CARMIL1: variants seen among roughly 807,000 people sequenced by gnomAD.
The protein encoded by CARMIL1 is F-actin-uncapping protein LRRC16A.
CARMIL1 carries 90 observed loss-of-function variants against 177.1 expected under a neutral mutation model. The observed-to-expected ratio is 0.51, with a 90% CI of 0.43 to 0.61. The LOEUF is 0.61. Among genes scored for constraint, CARMIL1 ranks in the 20% least tolerant of loss-of-function variants. CARMIL1 has a pLI of 0.00. For synonymous variants in CARMIL1, 577 were observed against 606.2 expected (o/e 0.95, Z 0.71); for missense variants, 1,380 against 1,667.0 (o/e 0.83, Z 3.00).
chr6:25,383,897 G>T (rs139446235), intron 2 of CARMIL1, among the ~76,000 whole-genome samples: 1 of 152,074 alleles, frequency 6.6e-6, no homozygotes, highest in African/African-American at 2.4e-5. Context: ...AGAGTGCAGT[G>T]GTGTGATCTT....
At chr6:25,291,360 T>C (rs1781949574) in intron 2 of CARMIL1, among the ~76,000 whole-genome samples, 1 of 152,170 alleles carries the variant, frequency 6.6e-6, no homozygotes, top group Non-Finnish European at 1.5e-5. Flanking sequence ...ATCTCTCATA[T>C]AGAAGTTTTG....
intron 2 of CARMIL1, among the ~76,000 whole-genome samples, chr6:25,298,210 T>C (rs1782581769): frequency 6.6e-6 from 1 of 152,242 alleles, no homozygotes. Context: ...AGTGTCGTGA[T>C]AATGCTAAAT....
chr6:25,390,320 ATT>A lies in CARMIL1; in HGVS notation c.139-29776_139-29775del, dbSNP rs1287414586. Among the ~76,000 whole-genome samples, 352 of 57,914 alleles carry A rather than the reference ATT, an allele frequency of 6.1e-3. 2 individuals carry two copies. Among genetic ancestry groups the A allele is most frequent in the African/African-American group, 0.014 (222 of 16,048 alleles). 38.0% of individuals were successfully genotyped at this position (57,914 alleles called of 152,430 possible). On this transcript the variant is annotated intron_variant, in intron 2 of 36. Coordinates refer to ENST00000329474, the MANE Select transcript of CARMIL1 (RefSeq NM_017640.6). Reference sequence around the variant, plus strand: ...TATATATATATATATATATATATATATTTTTTTTTTTTTTTTTTTGAGACAGG... The same window carrying A: ...TATATATATATATATATATATATATATTTTTTTTTTTTTTTTTGAGACAGG...
intron 2 of CARMIL1, among the ~76,000 whole-genome samples, chr6:25,352,071 A>C (rs1788158930): frequency 1.3e-5 from 2 of 152,080 alleles, no homozygotes; most frequent in African/African-American, 4.8e-5. Context: ...TATTTATCAA[A>C]ACCCAGCAAG....
chr6:25,515,614 C>G lies in CARMIL1; in HGVS notation c.1633-61C>G, dbSNP rs557109774. The G allele has an allele frequency of 4.1e-6, 6 of 1,476,688 alleles. No homozygotes were observed. In the Middle Eastern group the frequency reaches 7.4e-4, roughly 183 times the overall value. 91.5% of individuals were successfully genotyped at this position (1,476,688 alleles called of 1,614,324 possible). ...CCCTCTCATTCTCCACGAAATGCGT[C>G]GTGGAGAGTGGGTGCTGCTTTGATG... On this transcript the variant is annotated intron_variant, in intron 20 of 36. Coordinates refer to ENST00000329474, the MANE Select transcript of CARMIL1 (RefSeq NM_017640.6). This position sits in a 1 kb window ranked among gnomAD's most constrained non-coding sequence, Gnocchi z 5.0.
chr6:25,591,309 A>G (rs554138317), intron 31 of CARMIL1, among the ~76,000 whole-genome samples: 28 of 152,372 alleles, frequency 1.8e-4, no homozygotes, highest in African/African-American at 6.0e-4. Context: ...TTTTCTCAGC[A>G]TTCACGAGTT....
chr6:25,508,492 T>G (rs1805138730), intron 17 of CARMIL1, among the ~76,000 whole-genome samples: 1 of 151,550 alleles, frequency 6.6e-6, no homozygotes, highest in South Asian at 2.1e-4. Context: ...AACCCAGGAG[T>G]TCAAGACAAG....
intron 2 of CARMIL1, among the ~76,000 whole-genome samples, chr6:25,389,368 G>T (rs1014592344): frequency 6.6e-6 from 1 of 151,816 alleles, no homozygotes; most frequent in East Asian, 1.9e-4. Flanking sequence ...TTGAGATTTG[G>T]GGGGGTCTTG....
chr6:25,321,887 T>C (rs1784702807), intron 2 of CARMIL1, among the ~76,000 whole-genome samples: 1 of 152,106 alleles, frequency 6.6e-6, no homozygotes, highest in Admixed American at 6.6e-5. Flanking sequence ...CTCAATCTCC[T>C]GACCTCATGA....
chr6:25,443,813 T>A (rs1325325988), intron 5 of CARMIL1, among the ~76,000 whole-genome samples: 1 of 152,046 alleles, frequency 6.6e-6, no homozygotes, highest in African/African-American at 2.4e-5. Context: ...AATTTCTTTT[T>A]TTTTTTTGAG....
In CARMIL1 at chr6:25,332,775, G is replaced by GCACACACA. The variant is rs1441062522; in HGVS notation, c.138+47876_138+47883dup. 1.1e-3 allele frequency among the ~76,000 whole-genome samples: 150 copies of GCACACACA among 137,308 alleles called. 1 individual carries two copies. Among genetic ancestry groups the GCACACACA allele is most frequent in the African/African-American group, 3.6e-3 (128 of 35,794 alleles). The allele number at this position is 137,308 out of a possible 152,430, so 90.1% of individuals were successfully genotyped here. A position where few individuals can be genotyped will look rare whatever the true frequency, so the allele number is the denominator to read the frequency against. ...CACACACACACACACACACACACGC[G>GCACACACA]CACACACACACACACACTTCTTTTA... On this transcript the variant is annotated intron_variant, in intron 2 of 36. Transcript: ENST00000329474.
intron 8 of CARMIL1, among the ~76,000 whole-genome samples, chr6:25,463,728 C>T (rs1237668014): frequency 6.6e-6 from 1 of 151,376 alleles, no homozygotes; most frequent in Non-Finnish European, 1.5e-5. Flanking sequence ...GGAAGAGATA[C>T]AGGAACTTGT....
chr6:25,446,614 T>C (rs1271054312), intron 5 of CARMIL1, among the ~76,000 whole-genome samples: 1 of 152,234 alleles, frequency 6.6e-6, no homozygotes, highest in Non-Finnish European at 1.5e-5. Flanking sequence ...CACTTTCTCA[T>C]CATTCACATG....
chr6:25,579,236 T>C (rs1387128717), intron 29 of CARMIL1, among the ~76,000 whole-genome samples: 1 of 143,268 alleles, frequency 7.0e-6, no homozygotes, highest in Non-Finnish European at 1.5e-5. Context: ...ATACACTTCC[T>C]GTAAAATATA....
intron 36 of CARMIL1, among the ~76,000 whole-genome samples, chr6:25,614,120 T>A (rs562566965): frequency 6.6e-6 from 1 of 152,092 alleles, no homozygotes; most frequent in Non-Finnish European, 1.5e-5. Flanking sequence ...TTGATATAGG[T>A]TTTAAAACAA....
Position 25,400,238 on chromosome 6 carries a change from A to G in CARMIL1, c.139-19876A>G, listed in dbSNP as rs140197453. ...AAATCATGCTAACCTAGCACGATCC[A>G]TGGTGCACCCACTTGGCATTTTCAG... On this transcript the variant is annotated intron_variant, in intron 2 of 36. Coordinates refer to ENST00000329474, the MANE Select transcript of CARMIL1 (RefSeq NM_017640.6). Among the ~76,000 whole-genome samples the G allele has an allele frequency of 1.5e-4, 23 of 152,286 alleles. No homozygotes were observed. In the East Asian group the frequency reaches 4.4e-3, roughly 29 times the overall value.
chr6:25,391,253 A>G (rs1428960630), intron 2 of CARMIL1, among the ~76,000 whole-genome samples: 1 of 152,196 alleles, frequency 6.6e-6, no homozygotes, highest in African/African-American at 2.4e-5. Flanking sequence ...GGTGGGGGTC[A>G]TTTCCATAGG....
At chr6:25,479,762 T>A (rs1395715357) in intron 11 of CARMIL1, among the ~76,000 whole-genome samples, 2 of 152,132 alleles carry the variant, frequency 1.3e-5, no homozygotes, top group Non-Finnish European at 2.9e-5. Flanking sequence ...ATTTTCCAGT[T>A]TTTTATCTTT....
intron 2 of CARMIL1, among the ~76,000 whole-genome samples, chr6:25,352,107 G>A (rs1372593621): frequency 4.6e-5 from 7 of 151,374 alleles, no homozygotes; most frequent in African/African-American, 1.7e-4. Flanking sequence ...AAAACGTTTG[G>A]CACCTTGAAT....
Sources: allele counts gnomAD v4.1 joint callset (sites outside exome capture counted in the v4.1 genomes callset), GRCh38; gene constraint gnomAD v4.1.1; non-coding constraint Gnocchi (gnomAD v3.1); transcripts MANE v1.5; gene names NCBI Gene and HGNC (gene_info 2026-07-23, HGNC 2026-07-21).